Variants in ACBD3 observed in about 807,000 individuals in gnomAD.
ACBD3 encodes Golgi resident protein GCP60.
Under a neutral mutation model 66.9 loss-of-function variants are expected in ACBD3, and 30 were observed. That is an observed-to-expected ratio of 0.45 (90% CI 0.34 to 0.61). The LOEUF is 0.61. ACBD3 is among the 20% of genes least tolerant of loss of function. The pLI is 0.02. For missense variants in ACBD3, 544 were observed against 664.5 expected (o/e 0.82, Z 1.99); for synonymous variants, 278 against 259.8 (o/e 1.07, Z -0.68).
intron 1 of ACBD3, among the ~76,000 whole-genome samples, chr1:226,173,092 C>G (rs1655893032): frequency 6.6e-6 from 1 of 152,058 alleles, no homozygotes. Flanking sequence ...AAAGTGAAAT[C>G]CTGTCTCCAC....
In ACBD3 at chr1:226,154,793, G is replaced by A; in HGVS notation, c.944C>T (p.Ser315Phe). The A allele has an allele frequency of 6.2e-7, 1 of 1,611,876 alleles. No individual in the cohort carries two copies. ...CACTTTTGATGATGTAGGCAAGGAAGACCCAGCCACTACTACTTCCTGTTG... is the reference window on the plus strand; with the variant it reads ...CACTTTTGATGATGTAGGCAAGGAAAACCCAGCCACTACTACTTCCTGTTG... ...QKQQEVVVAG[S>F]SLPTSSKVNA... The change falls in exon 6 of 8, where the codon TCT becomes TTT. Residue 315 changes from serine (S) to phenylalanine (F), a missense_variant. Physicochemically the swap from Ser to Phe is radical, Grantham distance 155. Coordinates refer to ENST00000366812, the MANE Select transcript of ACBD3 (RefSeq NM_022735.4).
chr1:226,182,124 A>G (rs1006574084), intron 1 of ACBD3, among the ~76,000 whole-genome samples: 2 of 152,032 alleles, frequency 1.3e-5, no homozygotes, highest in African/African-American at 4.8e-5. Flanking sequence ...CCAGTCACAC[A>G]GGAGGATGAG....
intron 7 of ACBD3, among the ~76,000 whole-genome samples, chr1:226,151,784 G>T (rs1558123346): frequency 6.6e-6 from 1 of 152,134 alleles, no homozygotes; most frequent in Admixed American, 6.5e-5. Context: ...GAGGCGGGTG[G>T]ATCACAAGGT....
At chr1:226,175,112 G>GAAAGAA in intron 1 of ACBD3, among the ~76,000 whole-genome samples, 1 of 129,380 alleles carries the variant, frequency 7.7e-6, no homozygotes, top group South Asian at 2.5e-4. Flanking sequence ...AAAAAAAAAA[G>GAAAGAA]AAAGAAAAAG....
chr1:226,168,869 TTTTA>T (rs1378162970), intron 1 of ACBD3, among the ~76,000 whole-genome samples: 2 of 152,184 alleles, frequency 1.3e-5, no homozygotes, highest in East Asian at 1.9e-4. Flanking sequence ...CCTTCTCACT[TTTTA>T]TTTGAGACGG....
At chr1:226,183,020 G>T (rs1265799873) in intron 1 of ACBD3, among the ~76,000 whole-genome samples, 1 of 152,100 alleles carries the variant, frequency 6.6e-6, no homozygotes, top group Non-Finnish European at 1.5e-5. Context: ...TGACGTAATT[G>T]ATTCAGTCAC....
chr1:226,172,957 A>C (rs928202379), intron 1 of ACBD3, among the ~76,000 whole-genome samples: 3 of 152,054 alleles, frequency 2.0e-5, no homozygotes, highest in African/African-American at 7.2e-5. Flanking sequence ...CCCTGTCTAA[A>C]CAACAAACAA....
Position 226,152,315 on chromosome 1 carries a change from A to AT in ACBD3, c.1375+19dup. On this transcript the variant is annotated intron_variant, in intron 7 of 7. Transcript: ENST00000366812. ...CAACACACAACCCAGCAGCTACTGA[A>AT]TATGGACCAAGGGTTCTACCTTCTT... 1 of 1,611,732 alleles carries AT rather than the reference A, an allele frequency of 6.2e-7. No individual in the cohort carries two copies. The highest frequency in any genetic ancestry group is 8.5e-7 in the Non-Finnish European group (1 of 1,178,758).
Position 226,154,810 on chromosome 1 carries a change from T to C in ACBD3, c.927A>G (p.Glu309=), listed in dbSNP as rs1433606261. 6.2e-7 allele frequency: 1 copy of C among 1,608,286 alleles called. No individual in the cohort carries two copies. The highest frequency in any genetic ancestry group is 1.1e-5 in the South Asian group (1 of 90,004). ...GCAAGGAAGACCCAGCCACTACTAC[T>C]TCCTGTTGTTTCTGTAATGCTGCCT... The part of the protein sequence containing the change: ...QQQAALQKQQ[E]VVVAGSSLPT... Residue 309 remains glutamate (E), a synonymous_variant, in exon 6 of 8, where the codon GAA becomes GAG. Transcript: ENST00000366812.
chr1:226,176,890 A>C (rs1232946540), intron 1 of ACBD3, among the ~76,000 whole-genome samples: 1 of 152,226 alleles, frequency 6.6e-6, no homozygotes, highest in Non-Finnish European at 1.5e-5. Flanking sequence ...AATTTAAAAA[A>C]ACAGTATTTG....
Position 226,159,243 on chromosome 1 carries a change from C to T in ACBD3, c.844G>A (p.Glu282Lys), listed in dbSNP as rs1659727156. The T allele has an allele frequency of 6.2e-7, 1 of 1,614,036 alleles. No homozygotes were observed. The highest frequency in any genetic ancestry group is 8.5e-7 in the Non-Finnish European group (1 of 1,180,028). The part of the protein sequence containing the change: ...QQQILIRQLQ[E>K]QHYQQYMQQL... ...TGCATGTACTGCTGATAGTGTTGCTCCTGCAACTGGCGGATGAGAATTTGC... is the reference window on the plus strand; with the variant it reads ...TGCATGTACTGCTGATAGTGTTGCTTCTGCAACTGGCGGATGAGAATTTGC... The change falls in exon 5 of 8, where the codon GAG (glutamate) becomes AAG (lysine). Residue 282 changes from glutamate to lysine, a missense_variant. Coordinates refer to ENST00000366812, the MANE Select transcript of ACBD3 (RefSeq NM_022735.4).
intron 7 of ACBD3, among the ~76,000 whole-genome samples, chr1:226,151,234 TCTGTTTACAAGC>T (rs1007030939): frequency 9.2e-5 from 14 of 152,282 alleles, no homozygotes; most frequent in African/African-American, 3.4e-4. Context: ...GAACAAGCAG[TCTGTTTACAAGC>T]CACCTGAAAG....
At chr1:226,185,178 C>T (rs1656267579) in intron 1 of ACBD3, among the ~76,000 whole-genome samples, 1 of 152,106 alleles carries the variant, frequency 6.6e-6, no homozygotes, top group Non-Finnish European at 1.5e-5. Flanking sequence ...AACCCATTAG[C>T]CATTACCAAT....
intron 1 of ACBD3, among the ~76,000 whole-genome samples, chr1:226,169,697 G>A (rs1291586825): frequency 2.7e-5 from 3 of 111,250 alleles, no homozygotes; most frequent in South Asian, 3.4e-4. Context: ...GGCGTGAGCC[G>A]AGTTTTTGTT....
chr1:226,156,249 C>T (rs909908015), intron 5 of ACBD3, among the ~76,000 whole-genome samples: 1 of 152,196 alleles, frequency 6.6e-6, no homozygotes. Context: ...TATTTTAAAA[C>T]TTTAAAGAAA....
chr1:226,169,716 CAAA>C (rs112424132), intron 1 of ACBD3, among the ~76,000 whole-genome samples: 2 of 141,764 alleles, frequency 1.4e-5, no homozygotes, highest in Non-Finnish European at 1.5e-5. Context: ...TTTTTTAAAA[CAAA>C]AAAAAAAAAG....
chr1:226,171,395 C>T (rs917870295), intron 1 of ACBD3, among the ~76,000 whole-genome samples: 4 of 152,034 alleles, frequency 2.6e-5, no homozygotes, highest in African/African-American at 7.2e-5. Context: ...GTGATCCACC[C>T]ACCTTGGCCT....
rs1659595923 is a variant in ACBD3, at chr1:226,152,479, C to T, written c.1231G>A (p.Glu411Lys). Reference sequence around the variant, plus strand: ...TCCCAAAAGAGATATGATCCTTCTTCATGGGTGGGTACTCGAACAGTGACC... The same window carrying T: ...TCCCAAAAGAGATATGATCCTTCTTTATGGGTGGGTACTCGAACAGTGACC... The part of the protein sequence containing the change: ...EVVTVRVPTH[E>K]EGSYLFWEFA... Residue 411 changes from glutamate to lysine, a missense_variant, in exon 7 of 8, where the codon GAA (glutamate) becomes AAA (lysine). Glu to Lys is a moderately conservative substitution (Grantham distance 56, BLOSUM62 1). Transcript: ENST00000366812. 1 of 1,614,206 alleles carries T rather than the reference C, an allele frequency of 6.2e-7. No individual in the cohort carries two copies. Among genetic ancestry groups the T allele is most frequent in the Non-Finnish European group, 8.5e-7 (1 of 1,180,032 alleles).
chr1:226,164,852 C>A lies in ACBD3; in HGVS notation c.506G>T (p.Cys169Phe). 6.2e-7 allele frequency: 1 copy of A among 1,611,250 alleles called. No homozygotes were observed. Residue 169 changes from cysteine to phenylalanine, a missense_variant, in exon 3 of 8, where the codon TGC becomes TTC. Cys to Phe is a radical substitution (Grantham distance 205). Coordinates refer to ENST00000366812, the MANE Select transcript of ACBD3 (RefSeq NM_022735.4). ...CGCAACATATGTTGAAAAGAGATGG[C>A]AACACCTATTTAAGAGCTTGACAAA... ...VEFVKLLNRC[C>F]HLFSTYVASH...
Sources: gnomAD v4.1 joint callset for allele counts (sites outside exome capture counted in the v4.1 genomes callset) on GRCh38, gnomAD v4.1.1 for gene constraint, MANE v1.5 for transcripts, NCBI Gene and HGNC (gene_info 2026-07-23, HGNC 2026-07-21) for gene names.